Variants in ATP12A observed in about 807,000 individuals in gnomAD.
The protein encoded by ATP12A is ATPase H+/K+ transporting non-gastric alpha2 subunit.
A neutral mutation model predicts 111.2 loss-of-function variants in ATP12A; 81 were observed. The ratio of observed to expected loss-of-function variants is 0.73; its 90% CI spans 0.61 to 0.88. ATP12A has a LOEUF of 0.88. ATP12A is among the 40% of genes least tolerant of loss of function. The probability of loss-of-function intolerance (pLI) is 0.00; values close to 1 mark genes in which losing one functional copy is unlikely to be tolerated. For missense variants in ATP12A, 1,196 were observed against 1,313.1 expected (o/e 0.91, Z 1.38); for synonymous variants, 498 against 499.8 (o/e 1.00, Z 0.05).
chr13:24,709,302 C>A, intron 17 of ATP12A, 62 bp from the exon 18 acceptor site: 2 of 1,373,734 alleles, frequency 1.5e-6, no homozygotes, highest in Non-Finnish European at 2.0e-6. Context: ...CAGCCCCCCT[C>A]CCCTACTGTG....
rs371308376 is a variant in ATP12A, at chr13:24,692,786, G to T, written c.1268-1G>T. On this transcript the variant is annotated splice_acceptor_variant, in intron 9 of 22. Transcript: ENST00000381946. LOFTEE classifies it high-confidence loss of function. ...GCCACTGTTCTTTCTCTGTCTTCCAGACCAAGTCTTTGACCAAAGCTCTAG... is the reference window on the plus strand; with the variant it reads ...GCCACTGTTCTTTCTCTGTCTTCCATACCAAGTCTTTGACCAAAGCTCTAG... 3.1e-6 allele frequency: 5 copies of T among 1,613,950 alleles called. No individual in the cohort carries two copies. Among genetic ancestry groups the T allele is most frequent in the South Asian group, 2.2e-5 (2 of 91,038 alleles).
chr13:24,704,691 C>T (rs750341567), intron 14 of ATP12A: 3 of 222,012 alleles, frequency 1.4e-5, no homozygotes, highest in African/African-American at 2.3e-5. Context: ...CTCTTTGGAA[C>T]GAGAGAAAGA....
chr13:24,694,474 G>T lies in ATP12A; in HGVS notation c.1408G>T (p.Ala470Ser), dbSNP rs1462503866. ...KAVIGDASET[A>S]LLKFSEVILG... ...TGTGATTGGAGATGCCTCAGAAACT[G>T]CTCTTTTAAAATTCTCAGAGGTCAT... Residue 470 changes from alanine (A) to serine (S), a missense_variant, in exon 11 of 23, where the codon GCT (alanine) becomes TCT (serine). Physicochemically the swap from Ala to Ser is moderately conservative, Grantham distance 99. Coordinates refer to ENST00000381946, the MANE Select transcript of ATP12A (RefSeq NM_001676.7). The T allele has an allele frequency of 3.7e-6, 6 of 1,614,004 alleles. No individual in the cohort carries two copies. Among genetic ancestry groups the T allele is most frequent in the Non-Finnish European group, 5.1e-6 (6 of 1,179,972 alleles).
intron 7 of ATP12A, 102 bp downstream of exon 7, chr13:24,690,823 C>T (rs1874862291): frequency 6.9e-7 from 1 of 1,444,268 alleles, no homozygotes; most frequent in African/African-American, 1.4e-5. Context: ...AAAGCTCATC[C>T]CAGAGGAAGC....
Position 24,690,594 on chromosome 13 carries a change from T to C in ATP12A, c.682-10T>C, listed in dbSNP as rs1874848275. 3 of 1,607,644 alleles carry C rather than the reference T, an allele frequency of 1.9e-6. No individual in the cohort carries two copies. The highest frequency in any genetic ancestry group is 2.7e-5 in the African/African-American group (2 of 74,680). On this transcript the variant is annotated splice_polypyrimidine_tract_variant and intron_variant, in intron 6 of 22. Transcript: ENST00000381946. ...ACCCAGCTGTGAACCACCTTCAACA[T>C]TTCTTCTAGGTGGATAACTCATCTC... is the stretch of plus-strand genomic sequence containing the variant.
At chr13:24,681,966 GGTGTATGGTGTGTGGTGTGT>G (rs1874459742) in intron 2 of ATP12A, among the ~76,000 whole-genome samples, 1 of 124,380 alleles carries the variant, frequency 8.0e-6, no homozygotes, top group Middle Eastern at 4.4e-3. Context: ...TGTGGTGTGT[GGTGTATGGTGTGTGGTGTGT>G]GTGTATGGTG....
At position 24,691,082 on chromosome 13, in the gene ATP12A, C is replaced by A; in HGVS notation, c.900C>A (p.Ala300=). The A allele has an allele frequency of 2.5e-6, 4 of 1,614,254 alleles. No individual in the cohort carries two copies. The highest frequency in any genetic ancestry group is 3.4e-6 in the Non-Finnish European group (4 of 1,180,048). The change falls in exon 8 of 23, where the codon GCC becomes GCA. Residue 300 remains alanine (A), a synonymous_variant. Transcript: ENST00000381946. ...TTGGAAATGAGAAGACGCCCATTGC[C>A]ATTGAGATCGAGCACTTTGTTCACA... The part of the protein sequence containing the change: ...SGVGNEKTPI[A]IEIEHFVHIV...
At position 24,688,427 on chromosome 13, in the gene ATP12A, G is replaced by C. The variant is rs962636909; in HGVS notation, c.337G>C (p.Gly113Arg). 4.3e-6 allele frequency: 7 copies of C among 1,613,990 alleles called. No homozygotes were observed. Among genetic ancestry groups the C allele is most frequent in the South Asian group, 3.3e-5 (3 of 91,060 alleles). Reference sequence around the variant, plus strand: ...CGTCAAGTTCCTCAAGCAGATGGTGGGGGGGTTCTCTATCCTCCTGTGGGT... The same window carrying C: ...CGTCAAGTTCCTCAAGCAGATGGTGCGGGGGTTCTCTATCCTCCTGTGGGT... ...EIVKFLKQMV[G>R]GFSILLWVGA... The change falls in exon 4 of 23, where the codon GGG becomes CGG. Residue 113 changes from glycine to arginine, a missense_variant. Gly to Arg is a moderately radical substitution (Grantham distance 125). Transcript: ENST00000381946.
At position 24,692,561 on chromosome 13, in the gene ATP12A, A is replaced by G; in HGVS notation, c.1201A>G (p.Met401Val). The change falls in exon 9 of 23, where the codon ATG becomes GTG. Residue 401 changes from methionine (M) to valine (V), a missense_variant. Around this residue, in one of 3 missense-constraint regions of ATP12A, gnomAD observed 1,126 missense variants for 1,228.5 expected, o/e 0.92. Transcript: ENST00000381946. ...DKTGTLTQNR[M>V]TVAHLWFDNQ... is the part of the protein sequence containing the mutation. ...GACTGGGACACTGACCCAGAACAGG[A>G]TGACAGTGGCCCATCTGTGGTTCGA... 1 of 1,614,134 alleles carries G rather than the reference A, an allele frequency of 6.2e-7. No individual in the cohort carries two copies. Among genetic ancestry groups the G allele is most frequent in the Non-Finnish European group, 8.5e-7 (1 of 1,180,014 alleles).
At chr13:24,692,319 G>A in intron 8 of ATP12A, 110 bp from the exon 9 acceptor site, 1 of 1,216,026 alleles carries the variant, frequency 8.2e-7, no homozygotes, top group South Asian at 1.5e-5. Context: ...CCTAAAACTA[G>A]TCCAGCTCTC....
rs754137542 is a variant in ATP12A at position 24,688,439 on chromosome 13, A to G, written c.349A>G (p.Ile117Val). Residue 117 changes from isoleucine to valine, a missense_variant, in exon 4 of 23, where the codon ATC becomes GTC. By Grantham distance (29) the Ile-to-Val change is conservative. This residue lies in a region of ATP12A where 1,126 missense variants were observed against 1,228.5 expected (regional missense o/e 0.92). Transcript: ENST00000381946. Reference sequence around the variant, plus strand: ...CAAGCAGATGGTGGGGGGGTTCTCTATCCTCCTGTGGGTGGGCGCCTTTCT... The same window carrying G: ...CAAGCAGATGGTGGGGGGGTTCTCTGTCCTCCTGTGGGTGGGCGCCTTTCT... ...FLKQMVGGFSILLWVGAFLCW... is the reference protein window; with the variant it reads ...FLKQMVGGFSVLLWVGAFLCW... The G allele has an allele frequency of 1.7e-5, 28 of 1,613,618 alleles. No homozygotes were observed. Among genetic ancestry groups the G allele is most frequent in the Non-Finnish European group, 2.2e-5 (26 of 1,179,924 alleles).
At chr13:24,710,932 C>T in intron 21 of ATP12A, 39 bp downstream of exon 21, 1 of 1,575,868 alleles carries the variant, frequency 6.3e-7, no homozygotes, top group Non-Finnish European at 8.7e-7. Context: ...AAGAGCCAGC[C>T]TCTGCTTTGA....
chr13:24,708,067 A>G (rs1204345257), intron 17 of ATP12A, among the ~76,000 whole-genome samples: 1 of 152,182 alleles, frequency 6.6e-6, no homozygotes, highest in Non-Finnish European at 1.5e-5. Flanking sequence ...TGTCACTCAG[A>G]TTAATCACCC....
At chr13:24,694,347 G>A (rs760146012) in intron 10 of ATP12A, 97 bp from the exon 11 acceptor site, 167 of 1,446,328 alleles carry the variant, frequency 1.2e-4, no homozygotes, top group Non-Finnish European at 1.5e-4. Flanking sequence ...CCAGCTAGGT[G>A]GTAATGGGAT....
In ATP12A at chr13:24,688,334, A is replaced by T; in HGVS notation, c.244A>T (p.Arg82Ter). 1 of 1,613,642 alleles carries T rather than the reference A, an allele frequency of 6.2e-7. No individual in the cohort carries two copies. The highest frequency in any genetic ancestry group is 1.7e-4 in the Middle Eastern group (1 of 6,002). ...GCTTTCCCAGGGTCTCTCCAGCACC[A>T]GAGCTGCCGAGCTCCTGGCCCGGGA... The part of the protein sequence containing the change: ...TDIIMGLSST[R>*]AAELLARDGP... The change falls in exon 4 of 23, where the codon AGA becomes TGA. Residue 82 changes from arginine (R) to a stop codon, truncating the protein, a stop_gained. Coordinates refer to ENST00000381946, the MANE Select transcript of ATP12A (RefSeq NM_001676.7). LOFTEE classifies it high-confidence loss of function.
chr13:24,688,129 A>G (rs564775043), intron 3 of ATP12A, among the ~76,000 whole-genome samples, 190 bp from the exon 4 acceptor site: 1 of 152,312 alleles, frequency 6.6e-6, no homozygotes, highest in Admixed American at 6.5e-5. Context: ...GGTATTAAGC[A>G]TTACATAGTC....
At chr13:24,708,966 A>AAAGAAAGG (rs1875831651) in intron 17 of ATP12A, among the ~76,000 whole-genome samples, 1 of 122,262 alleles carries the variant, frequency 8.2e-6, no homozygotes, top group Non-Finnish European at 1.8e-5. Flanking sequence ...AGAAAGAAGG[A>AAAGAAAGG]AAGAGAAAGA....
rs1875858942 is a variant in ATP12A, at chr13:24,709,415, A to T, written c.2545A>T (p.Arg849Trp). Reference sequence around the variant, plus strand: ...GAAAGCTGAAAGTGACATCATGAACAGGAAGCCTCGCCACAAGAATAAGGA... The same window carrying T: ...GAAAGCTGAAAGTGACATCATGAACTGGAAGCCTCGCCACAAGAATAAGGA... ...YEKAESDIMN[R>W]KPRHKNKDRL... is the part of the protein sequence containing the mutation. Residue 849 changes from arginine to tryptophan, a missense_variant, in exon 18 of 23, where the codon AGG becomes TGG. By Grantham distance (101) the Arg-to-Trp change is moderately radical. This residue lies in a region of ATP12A where 1,126 missense variants were observed against 1,228.5 expected (regional missense o/e 0.92). Transcript: ENST00000381946. 1 of 1,613,922 alleles carries T rather than the reference A, an allele frequency of 6.2e-7. No individual in the cohort carries two copies. The highest frequency in any genetic ancestry group is 8.5e-7 in the Non-Finnish European group (1 of 1,180,012).
chr13:24,697,945 C>G (rs569763869), intron 11 of ATP12A, among the ~76,000 whole-genome samples: 1 of 152,268 alleles, frequency 6.6e-6, no homozygotes, highest in Admixed American at 6.5e-5. Context: ...CCCAAACACT[C>G]CAGCTTCCTG....
Sources: gnomAD v4.1 joint callset for allele counts (sites outside exome capture counted in the v4.1 genomes callset) on GRCh38, gnomAD v4.1.1 for gene constraint, gnomAD v4.1.1 regional missense constraint, MANE v1.5 for transcripts, NCBI Gene and HGNC (gene_info 2026-07-23, HGNC 2026-07-21) for gene names.